VWA8: variants seen among roughly 807,000 people sequenced by gnomAD.
The protein encoded by VWA8 is von Willebrand factor A domain-containing protein 8.
Under a neutral mutation model 241.5 loss-of-function variants are expected in VWA8, and 221 were observed. The ratio of observed to expected loss-of-function variants is 0.91; its 90% CI spans 0.82 to 1.02. VWA8 has a LOEUF of 1.02. VWA8 is among the 50% of genes least tolerant of loss of function. The pLI is 0.00. For missense variants in VWA8, 2,322 were observed against 2,328.7 expected, an observed-to-expected ratio of 1.00 and a Z score of 0.06; for synonymous variants, 852 against 827.1, an observed-to-expected ratio of 1.03 and a Z score of -0.52.
chr13:41,752,305 C>T (rs528001772), intron 21 of VWA8, among the ~76,000 whole-genome samples: 13 of 152,290 alleles, frequency 8.5e-5, no homozygotes, highest in Admixed American at 8.5e-4. Context: ...TCCACATCAC[C>T]TTCTACCATA....
chr13:41,605,777 C>G (rs2044550033), intron 39 of VWA8, among the ~76,000 whole-genome samples: 1 of 152,088 alleles, frequency 6.6e-6, no homozygotes, highest in African/African-American at 2.4e-5. Flanking sequence ...CAGTTCAAGC[C>G]TAAAGAATGT....
intron 20 of VWA8, among the ~76,000 whole-genome samples, chr13:41,770,847 A>G (rs2045816135): frequency 6.6e-6 from 1 of 151,516 alleles, no homozygotes; most frequent in Non-Finnish European, 1.5e-5. Context: ...TCAGTATAAA[A>G]ATTTTACCAG....
chr13:41,687,356 A>G (rs1025020508), intron 34 of VWA8, among the ~76,000 whole-genome samples: 1 of 152,210 alleles, frequency 6.6e-6, no homozygotes, highest in African/African-American at 2.4e-5. Context: ...GATATTTGCT[A>G]CAGATTCTTA....
chr13:41,877,503 T>A (rs1419697589), intron 9 of VWA8, among the ~76,000 whole-genome samples: 1 of 152,114 alleles, frequency 6.6e-6, no homozygotes, highest in Non-Finnish European at 1.5e-5. Flanking sequence ...TCAGATTGTA[T>A]CCATTTCTGT....
chr13:41,634,569 G>A (rs1330939440), intron 37 of VWA8, among the ~76,000 whole-genome samples: 2 of 152,292 alleles, frequency 1.3e-5, no homozygotes, highest in African/African-American at 4.8e-5. Context: ...GTGTTTGAGT[G>A]TGTGGGAGTT....
At chr13:41,607,028 T>C (rs9590615) in intron 39 of VWA8, among the ~76,000 whole-genome samples, 2,473 of 152,330 alleles carry the variant, frequency 0.016, 71 homozygotes, top group African/African-American at 0.056. Context: ...ATGTTTTACA[T>C]TGAGATCTTG....
intron 19 of VWA8, among the ~76,000 whole-genome samples, chr13:41,782,775 T>C (rs1404043348): frequency 6.6e-6 from 1 of 151,944 alleles, no homozygotes; most frequent in Admixed American, 6.6e-5. Context: ...ACTATAAAAG[T>C]AATACACAGC....
chr13:41,689,038 TAG>T (rs2045156963), intron 34 of VWA8, among the ~76,000 whole-genome samples: 2 of 152,114 alleles, frequency 1.3e-5, no homozygotes, highest in African/African-American at 4.8e-5. Flanking sequence ...TAAAAAATTA[TAG>T]AAGACATGAC....
At chr13:41,955,347 T>G (rs1458000129) in intron 1 of VWA8, among the ~76,000 whole-genome samples, 1 of 152,212 alleles carries the variant, frequency 6.6e-6, no homozygotes, top group Non-Finnish European at 1.5e-5. Flanking sequence ...CCTTGCTGGA[T>G]TTCTGATTGG....
At chr13:41,832,130 C>T (rs1044721297) in intron 13 of VWA8, among the ~76,000 whole-genome samples, 4 of 151,630 alleles carry the variant, frequency 2.6e-5, no homozygotes, top group African/African-American at 9.7e-5. Flanking sequence ...AAGGTTTCAC[C>T]ATCTTAGCCA....
chr13:41,571,618 G>A (rs1354287833), intron 43 of VWA8, among the ~76,000 whole-genome samples: 2 of 152,192 alleles, frequency 1.3e-5, no homozygotes, highest in Admixed American at 6.5e-5. Context: ...CCGAGGTGCC[G>A]GGATTGCAGA....
At chr13:41,622,657 T>C (rs2044664854) in intron 37 of VWA8, among the ~76,000 whole-genome samples, 1 of 152,184 alleles carries the variant, frequency 6.6e-6, no homozygotes, top group Non-Finnish European at 1.5e-5. Context: ...TGAATTAAAA[T>C]GGAAAAAACA....
intron 10 of VWA8, among the ~76,000 whole-genome samples, chr13:41,866,452 C>T (rs1428572390): frequency 6.6e-6 from 1 of 151,220 alleles, no homozygotes; most frequent in Non-Finnish European, 1.5e-5. Context: ...CTCAAAATAT[C>T]AGTAACTTAA....
chr13:41,960,805 C>T (rs1304512618), intron 1 of VWA8, 48 bp downstream of exon 1: 2 of 1,483,164 alleles, frequency 1.3e-6, no homozygotes, highest in African/African-American at 2.9e-5. Context: ...GGGGACCCGG[C>T]ACGGAGCGCA....
chr13:41,961,091 G>A lies in VWA8; in HGVS notation c.-76C>T, dbSNP rs1235703084. ...CGTCCCGTGCAGGCACCGTGAGGCA[G>A]CGCGGAGAAGGGGACAGGAAGCGGC... On this transcript the variant is annotated 5_prime_UTR_variant, in exon 1 of 45. Coordinates refer to ENST00000379310, the MANE Select transcript of VWA8 (RefSeq NM_015058.2). 3.1e-6 allele frequency: 4 copies of A among 1,280,946 alleles called. No homozygotes were observed. Among genetic ancestry groups the A allele is most frequent in the East Asian group, 6.3e-5 (2 of 31,618 alleles). 79.3% of individuals were successfully genotyped at this position (1,280,946 alleles called of 1,614,324 possible). A position where few individuals can be genotyped will look rare whatever the true frequency, so the allele number is the denominator to read the frequency against.
chr13:41,752,303 A>C (rs2045662077), intron 21 of VWA8, among the ~76,000 whole-genome samples: 1 of 151,828 alleles, frequency 6.6e-6, no homozygotes, highest in African/African-American at 2.4e-5. Context: ...TCTCCACATC[A>C]CCTTCTACCA....
intron 1 of VWA8, among the ~76,000 whole-genome samples, chr13:41,954,392 C>A (rs1878270506): frequency 6.6e-6 from 1 of 152,168 alleles, no homozygotes; most frequent in South Asian, 2.1e-4. Context: ...CCACCTCTAA[C>A]CAGCTCCACC....
intron 12 of VWA8, among the ~76,000 whole-genome samples, chr13:41,845,948 C>A (rs954376200): frequency 6.6e-6 from 1 of 152,104 alleles, no homozygotes; most frequent in Non-Finnish European, 1.5e-5. Flanking sequence ...ACTCATGTAA[C>A]AAACCTGCAC....
Position 41,644,571 on chromosome 13 carries a change from T to C in VWA8, c.4611+26375A>G, listed in dbSNP as rs112018996. 8.3e-3 allele frequency among the ~76,000 whole-genome samples: 1,266 copies of C among 152,304 alleles called. 5 individuals are homozygous for C. Among genetic ancestry groups the C allele is most frequent in the Non-Finnish European group, 0.014 (935 of 68,022 alleles). On this transcript the variant is annotated intron_variant, in intron 37 of 44. Transcript: ENST00000379310. ...TGTGCACTTTAGGTTAACTGGTGTG[T>C]CTACATGGTCCCAGTGTGAGTGAGT...
Sources: allele counts gnomAD v4.1 joint callset (sites outside exome capture counted in the v4.1 genomes callset), GRCh38; gene constraint gnomAD v4.1.1; transcripts MANE v1.5; gene names NCBI Gene and HGNC (gene_info 2026-07-23, HGNC 2026-07-21).